Variants in ATP2B2 observed in about 807,000 individuals in gnomAD.
The protein encoded by ATP2B2 is ATPase plasma membrane Ca2+ transporting 2, also known as plasma membrane calcium-transporting ATPase 2.
ATP2B2 carries 15 observed loss-of-function variants against 120.0 expected under a neutral mutation model. The ratio of observed to expected loss-of-function variants is 0.12; its 90% CI spans 0.08 to 0.19. The LOEUF (loss-of-function observed/expected upper bound fraction) is 0.19. Among genes scored for constraint, ATP2B2 ranks in the 10% least tolerant of loss-of-function variants. ATP2B2 has a pLI of 1.00. For synonymous variants in ATP2B2, 694 were observed against 700.3 expected, an observed-to-expected ratio of 0.99 and a Z score of 0.14; for missense variants, 1,045 against 1,719.8, an observed-to-expected ratio of 0.61 and a Z score of 6.94.
chr3:10,331,049 T>G (rs2059965058), intron 22 of ATP2B2, among the ~76,000 whole-genome samples: 1 of 152,202 alleles, frequency 6.6e-6, no homozygotes, highest in Admixed American at 6.5e-5. Flanking sequence ...CTCTGTCCTT[T>G]CACCTTGCAT....
chr3:10,387,005 C>G (rs2061701901), intron 6 of ATP2B2, among the ~76,000 whole-genome samples: 1 of 152,194 alleles, frequency 6.6e-6, no homozygotes, highest in East Asian at 1.9e-4. Flanking sequence ...TCCCCTCACT[C>G]AAGCCTCAGT....
At chr3:10,606,220 A>C (rs1285908121) in intron 2 of ATP2B2, among the ~76,000 whole-genome samples, 1 of 152,198 alleles carries the variant, frequency 6.6e-6, no homozygotes. Context: ...TGTGATCTGC[A>C]TGAGACCCCC....
rs561780826 is a variant in ATP2B2 at position 10,324,270 on chromosome 3, G to A, written c.*4544C>T. ...ATATGTGCACACAAGAGTTAGCAAA[G>A]TGTGGTGACCCCCGAGAGGAAAGGT... On this transcript the variant is annotated 3_prime_UTR_variant, in exon 23 of 23. Coordinates refer to ENST00000360273, the MANE Select transcript of ATP2B2 (RefSeq NM_001001331.4). 4.6e-5 allele frequency: 7 copies of A among 151,610 alleles called. No homozygotes were observed. Among genetic ancestry groups the A allele is most frequent in the Admixed American group, 1.3e-4 (2 of 15,242 alleles). 9.4% of individuals were successfully genotyped at this position (151,610 alleles called of 1,614,324 possible).
chr3:10,371,707 C>T lies in ATP2B2; in HGVS notation c.1659+102G>A, dbSNP rs55897912. 65,492 of 1,560,394 alleles carry T rather than the reference C, an allele frequency of 0.042. 1,588 individuals carry two copies. Among genetic ancestry groups the T allele is most frequent in the South Asian group, 0.064 (5,526 of 86,976 alleles). On this transcript the variant is annotated intron_variant, in intron 12 of 22. Transcript: ENST00000360273. ...ATCTGACCATACCAAAATATATTAG[C>T]AGGATTTGAGACTATGAATCACATT... is the stretch of plus-strand genomic sequence containing the variant.
intron 22 of ATP2B2, among the ~76,000 whole-genome samples, chr3:10,336,922 G>A (rs1238510783): frequency 6.6e-6 from 1 of 152,228 alleles, no homozygotes; most frequent in Non-Finnish European, 1.5e-5. Flanking sequence ...ACCCCTGCGT[G>A]GCTTTGCCGC....
Position 10,448,972 on chromosome 3 carries a change from C to T in ATP2B2, c.199+373G>A, listed in dbSNP as rs1180235338. On this transcript the variant is annotated intron_variant, in intron 2 of 22. Coordinates refer to ENST00000360273, the MANE Select transcript of ATP2B2 (RefSeq NM_001001331.4). ...CCCCTCCTGGGCCTGGGTGCAGGTTCCATGTTTGTTCTACCCAGTGGCCCT... is the reference window on the plus strand; with the variant it reads ...CCCCTCCTGGGCCTGGGTGCAGGTTTCATGTTTGTTCTACCCAGTGGCCCT... Among the ~76,000 whole-genome samples the T allele has an allele frequency of 2.6e-5, 4 of 152,324 alleles. No homozygotes were observed. In the South Asian group the frequency reaches 8.3e-4, roughly 32 times the overall value.
chr3:10,536,327 C>T (rs2067313846), intron 2 of ATP2B2, among the ~76,000 whole-genome samples: 2 of 141,790 alleles, frequency 1.4e-5, no homozygotes, highest in Admixed American at 7.0e-5. Flanking sequence ...ATCCTTGTCA[C>T]AGGATTTTTT....
In ATP2B2 at chr3:10,342,490, G is replaced by A. The variant is rs536752394; in HGVS notation, c.2917+262C>T. Among the ~76,000 whole-genome samples the A allele has an allele frequency of 1.4e-4, 22 of 152,286 alleles. No individual in the cohort carries two copies. The highest frequency in any genetic ancestry group is 6.2e-4 in the South Asian group (3 of 4,820). On this transcript the variant is annotated intron_variant, in intron 19 of 22. Transcript: ENST00000360273. This position sits in a 1 kb window ranked among gnomAD's most constrained non-coding sequence, Gnocchi z 4.4. ...TCAGCACCCGGTCAGGGCCTTGCACGGTCTGTACTTGTTGCCAGGAGCTGT... is the reference window on the plus strand; with the variant it reads ...TCAGCACCCGGTCAGGGCCTTGCACAGTCTGTACTTGTTGCCAGGAGCTGT...
At chr3:10,581,458 G>A (rs1235523575) in intron 2 of ATP2B2, among the ~76,000 whole-genome samples, 1 of 152,148 alleles carries the variant, frequency 6.6e-6, no homozygotes, top group Non-Finnish European at 1.5e-5. Flanking sequence ...GCAGGGGCAC[G>A]AGCCAGCCGG....
intron 2 of ATP2B2, 65 bp from the exon 3 acceptor site, chr3:10,410,880 C>T: frequency 6.4e-7 from 1 of 1,564,654 alleles, no homozygotes; most frequent in Non-Finnish European, 8.7e-7. Context: ...TTCTGGGAAT[C>T]TAGGGGCAGA....
intron 1 of ATP2B2, among the ~76,000 whole-genome samples, chr3:10,659,744 C>A (rs1207558263): frequency 6.6e-6 from 1 of 152,192 alleles, no homozygotes; most frequent in Non-Finnish European, 1.5e-5. Context: ...ACCAAGTGGA[C>A]CTAATAGACA....
intron 1 of ATP2B2, among the ~76,000 whole-genome samples, chr3:10,471,173 C>T (rs1408400392): frequency 4.6e-5 from 7 of 152,214 alleles, no homozygotes; most frequent in Non-Finnish European, 2.9e-5. Flanking sequence ...CAGAAGCCTC[C>T]TCCCTGCCCC....
At chr3:10,551,100 C>T (rs560699306) in intron 2 of ATP2B2, among the ~76,000 whole-genome samples, 1 of 152,294 alleles carries the variant, frequency 6.6e-6, no homozygotes, top group East Asian at 1.9e-4. Context: ...GAATGTTTTA[C>T]GAAGGGGACT....
In ATP2B2 at chr3:10,505,484, C is replaced by T. The variant is rs1406517478; in HGVS notation, c.-339G>A. The T allele has an allele frequency of 6.6e-6, 1 of 151,630 alleles. No homozygotes were observed. Among genetic ancestry groups the T allele is most frequent in the African/African-American group, 2.4e-5 (1 of 41,246 alleles). The allele number at this position is 151,630 out of a possible 1,614,324, so 9.4% of individuals were successfully genotyped here. On this transcript the variant is annotated 5_prime_UTR_variant, in exon 1 of 23. In the 5' UTR this introduces an upstream ATG that the reference lacks. Transcript: ENST00000360273. ...ACTTACTTGGCTATGAAAATCACCACCAATCCTGCACGGTTTCCCGGCGGG... is the reference window on the plus strand; with the variant it reads ...ACTTACTTGGCTATGAAAATCACCATCAATCCTGCACGGTTTCCCGGCGGG...
rs1208899555 is a variant in ATP2B2 at position 10,346,451 on chromosome 3, C to T, written c.2405-314G>A. Among the ~76,000 whole-genome samples the T allele has an allele frequency of 6.6e-6, 1 of 152,232 alleles. No individual in the cohort carries two copies. The highest frequency in any genetic ancestry group is 1.9e-4 in the East Asian group (1 of 5,200). The stretch of plus-strand genomic sequence containing the variant: ...CCATCCTAACCAGAAACACTGTATC[C>T]TCTAACTGTGCTCAGGGCCCCCTCT... On this transcript the variant is annotated intron_variant, in intron 16 of 22. Coordinates refer to ENST00000360273, the MANE Select transcript of ATP2B2 (RefSeq NM_001001331.4). The surrounding 1 kb of genome is among the most constrained non-coding windows in gnomAD (Gnocchi z 4.1).
intron 1 of ATP2B2, among the ~76,000 whole-genome samples, chr3:10,460,117 A>T (rs771346286): frequency 6.6e-6 from 1 of 152,174 alleles, no homozygotes; most frequent in African/African-American, 2.4e-5. Context: ...GTCTCTGGGA[A>T]TGAAGTGCTG....
intron 2 of ATP2B2, among the ~76,000 whole-genome samples, chr3:10,421,329 G>C (rs191786526): frequency 6.6e-6 from 1 of 152,246 alleles, no homozygotes; most frequent in East Asian, 1.9e-4. Context: ...CTTTTCTTCT[G>C]TAGGGGCTGC....
chr3:10,697,835 C>T (rs960314810), intron 1 of ATP2B2, among the ~76,000 whole-genome samples: 1 of 152,240 alleles, frequency 6.6e-6, no homozygotes, highest in Non-Finnish European at 1.5e-5. Context: ...ATTTCACTCA[C>T]TCATTCGTTC....
chr3:10,690,682 G>A (rs1343303182), intron 1 of ATP2B2, among the ~76,000 whole-genome samples: 1 of 152,296 alleles, frequency 6.6e-6, no homozygotes, highest in South Asian at 2.1e-4. Flanking sequence ...GCCGTGCAGG[G>A]TTTGTCCGAG....
Sources: allele counts gnomAD v4.1 joint callset (sites outside exome capture counted in the v4.1 genomes callset), GRCh38; gene constraint gnomAD v4.1.1; non-coding constraint Gnocchi (gnomAD v3.1); transcripts MANE v1.5; gene names NCBI Gene and HGNC (gene_info 2026-07-23, HGNC 2026-07-21).